Variants in CSNK1D observed in about 807,000 individuals in gnomAD.
CSNK1D encodes casein kinase I isoform delta.
A neutral mutation model predicts 46.6 loss-of-function variants in CSNK1D; 16 were observed. The ratio of observed to expected loss-of-function variants is 0.34; its 90% confidence interval spans 0.23 to 0.52. The LOEUF (loss-of-function observed/expected upper bound fraction) is 0.52, where lower values mean the gene tolerates loss of function less well. CSNK1D is among the 20% of genes least tolerant of loss of function. The pLI, the probability that CSNK1D is intolerant of heterozygous loss-of-function variation, is 0.95. For synonymous variants in CSNK1D, 276 were observed against 228.2 expected (o/e 1.21, Z -1.89); for missense variants, 398 against 578.4 (o/e 0.69, Z 3.20).
chr17:82,239,170 T>TTG, downstream of CSNK1D: 1 of 525,880 alleles, frequency 1.9e-6, no homozygotes, highest in Non-Finnish European at 3.2e-6. Flanking sequence ...AGAGTGGATC[T>TTG]GCGGTGAAGC....
chr17:82,247,943 A>G (rs563406658), intron 8 of CSNK1D: 14 of 985,152 alleles, frequency 1.4e-5, no homozygotes, highest in African/African-American at 1.7e-5. Flanking sequence ...AGTGCTCCCC[A>G]CTCCGGCATG....
chr17:82,260,239 G>T (rs2051294645), intron 2 of CSNK1D, among the ~76,000 whole-genome samples: 1 of 150,722 alleles, frequency 6.6e-6, no homozygotes, highest in Non-Finnish European at 1.5e-5. Flanking sequence ...ACTGAGTGAT[G>T]TGACTGATGG....
chr17:82,244,309 A>G lies in CSNK1D; in HGVS notation c.*472T>C. 9.1e-7 allele frequency: 1 copy of G among 1,102,562 alleles called. No homozygotes were observed. The highest frequency in any genetic ancestry group is 1.6e-5 in the African/African-American group (1 of 61,464). The allele number at this position is 1,102,562 out of a possible 1,614,324, so 68.3% of individuals were successfully genotyped here. A position where few individuals can be genotyped will look rare whatever the true frequency, so the allele number is the denominator to read the frequency against. Reference sequence around the variant, plus strand: ...CAGCCTGTCTCAGAATTCCTTAGTCAACATTTTTTTTGTAAGACTGCAAAA... The same window carrying G: ...CAGCCTGTCTCAGAATTCCTTAGTCGACATTTTTTTTGTAAGACTGCAAAA... On this transcript the variant is annotated 3_prime_UTR_variant, in exon 9 of 9. Transcript: ENST00000314028.
In CSNK1D at chr17:82,243,027, CAAAG is replaced by C; in HGVS notation, c.*1750_*1753del. On this transcript the variant is annotated 3_prime_UTR_variant, in exon 9 of 9. Coordinates refer to ENST00000314028, the MANE Select transcript of CSNK1D (RefSeq NM_001893.6). ...CTACCTTCAAGAAGGGGTCCAGCAA[CAAAG>C]AAAATCTCTTAACTCGGCTCTGACC... is the stretch of plus-strand genomic sequence containing the variant. 1.0e-6 allele frequency: 1 copy of C among 985,446 alleles called. No homozygotes were observed. The highest frequency in any genetic ancestry group is 1.2e-6 in the Non-Finnish European group (1 of 829,946). 61.0% of individuals were successfully genotyped at this position (985,446 alleles called of 1,614,324 possible).
chr17:82,245,119 T>TGCCTCCC (rs1011792381), intron 8 of CSNK1D: 6 of 578,628 alleles, frequency 1.0e-5, no homozygotes, highest in Non-Finnish European at 1.9e-5. Flanking sequence ...CGGGTGCTCC[T>TGCCTCCC]GCCTCCCTTC....
chr17:82,240,061 C>A (rs1471871406), downstream of CSNK1D: 2 of 1,233,678 alleles, frequency 1.6e-6, no homozygotes, highest in Non-Finnish European at 2.0e-6. Context: ...GTCCCTGCTC[C>A]TCTGCAATGA....
In CSNK1D at chr17:82,255,677, G is replaced by T; in HGVS notation, c.188-100C>A. 1 of 1,452,968 alleles carries T rather than the reference G, an allele frequency of 6.9e-7. No individual in the cohort carries two copies. Among genetic ancestry groups the T allele is most frequent in the Non-Finnish European group, 9.6e-7 (1 of 1,038,868 alleles). The allele number at this position is 1,452,968 out of a possible 1,614,324, so 90.0% of individuals were successfully genotyped here. ...ACCAAGGGGTCATGGTGACAATCCT[G>T]AACGGGGGAGGGGTGGTGGAGGTAG... On this transcript the variant is annotated intron_variant, in intron 2 of 8. Coordinates refer to ENST00000314028, the MANE Select transcript of CSNK1D (RefSeq NM_001893.6). This position sits in a 1 kb window ranked among gnomAD's most constrained non-coding sequence, Gnocchi z 5.9.
chr17:82,261,817 G>A (rs1271477404), intron 2 of CSNK1D, among the ~76,000 whole-genome samples: 1 of 152,194 alleles, frequency 6.6e-6, no homozygotes, highest in Non-Finnish European at 1.5e-5. Context: ...ACAAGAAAAA[G>A]ATGATGGAAG....
rs1018244740 is a variant in CSNK1D, at chr17:82,255,162, G to A, written c.336+267C>T. The A allele has an allele frequency of 7.4e-5, 36 of 484,634 alleles. No homozygotes were observed. The highest frequency in any genetic ancestry group is 3.9e-4 in the African/African-American group (19 of 49,206). The allele number at this position is 484,634 out of a possible 1,614,324, so 30.0% of individuals were successfully genotyped here. ...CCAGAAGCCAGTGAGCTGGGCCGCC[G>A]GAGCCTCGAGAAGCCAGTGAGCTGG... On this transcript the variant is annotated intron_variant, in intron 3 of 8. Transcript: ENST00000314028. The surrounding 1 kb of genome is among the most constrained non-coding windows in gnomAD (Gnocchi z 5.9).
Position 82,252,980 on chromosome 17 carries a change from C to A in CSNK1D, c.565+36G>T, listed in dbSNP as rs917300671. ...GCTGAGGCATGGACGCGCCCAAAGG[C>A]ACCCCAGGTCAGTGACCCCATGCCC... is the stretch of plus-strand genomic sequence containing the variant. On this transcript the variant is annotated intron_variant, in intron 4 of 8. Coordinates refer to ENST00000314028, the MANE Select transcript of CSNK1D (RefSeq NM_001893.6). This position sits in a 1 kb window ranked among gnomAD's most constrained non-coding sequence, Gnocchi z 4.6. The A allele has an allele frequency of 5.6e-6, 9 of 1,593,556 alleles. No individual in the cohort carries two copies. The highest frequency in any genetic ancestry group is 6.9e-6 in the Non-Finnish European group (8 of 1,161,976).
chr17:82,266,817 T>G (rs1410736404), intron 1 of CSNK1D: 1 of 152,268 alleles, frequency 6.6e-6, no homozygotes, highest in Non-Finnish European at 1.5e-5. Context: ...TCCCAGCACT[T>G]TGGGAGGCCA....
intron 1 of CSNK1D, among the ~76,000 whole-genome samples, chr17:82,267,959 T>G (rs1229028940): frequency 6.6e-6 from 1 of 152,224 alleles, no homozygotes; most frequent in Non-Finnish European, 1.5e-5. Context: ...CAGCACTGAC[T>G]GTCGTGGGGC....
At position 82,248,622 on chromosome 17, in the gene CSNK1D, C is replaced by T; in HGVS notation, c.1197+253G>A. ...AGCAGGAGAAAGCCCCCACGGTTTG[C>T]TGGCCTCAGGGACCTGAGACCTGAG... On this transcript the variant is annotated intron_variant, in intron 8 of 8. Transcript: ENST00000314028. This position sits in a 1 kb window ranked among gnomAD's most constrained non-coding sequence, Gnocchi z 4.1. The T allele has an allele frequency of 7.4e-7, 1 of 1,350,854 alleles. No individual in the cohort carries two copies. Among genetic ancestry groups the T allele is most frequent in the Non-Finnish European group, 9.5e-7 (1 of 1,047,396 alleles). The allele number at this position is 1,350,854 out of a possible 1,614,324, so 83.7% of individuals were successfully genotyped here. A position where few individuals can be genotyped will look rare whatever the true frequency, so the allele number is the denominator to read the frequency against.
chr17:82,257,933 T>C (rs1237160760), intron 2 of CSNK1D, among the ~76,000 whole-genome samples: 1 of 152,176 alleles, frequency 6.6e-6, no homozygotes, highest in Non-Finnish European at 1.5e-5. Context: ...GTTTTTTAAC[T>C]GGCCAGGCTC....
chr17:82,264,331 C>T (rs956079980), intron 2 of CSNK1D, among the ~76,000 whole-genome samples: 3 of 152,190 alleles, frequency 2.0e-5, no homozygotes, highest in Admixed American at 6.5e-5. Context: ...CCTGCCAGAC[C>T]GAAGCTCTGC....
chr17:82,270,120 T>C (rs1224424031), intron 1 of CSNK1D, among the ~76,000 whole-genome samples: 1 of 152,238 alleles, frequency 6.6e-6, no homozygotes, highest in Non-Finnish European at 1.5e-5. Context: ...AATCTCAGAC[T>C]GAAGACAGAT....
At position 82,250,169 on chromosome 17, in the gene CSNK1D, G is replaced by C; in HGVS notation, c.886-567C>G. The C allele has an allele frequency of 7.8e-7, 1 of 1,289,984 alleles. No homozygotes were observed. The allele number at this position is 1,289,984 out of a possible 1,614,324, so 79.9% of individuals were successfully genotyped here. On this transcript the variant is annotated intron_variant, in intron 6 of 8. Coordinates refer to ENST00000314028, the MANE Select transcript of CSNK1D (RefSeq NM_001893.6). The surrounding 1 kb of genome is among the most constrained non-coding windows in gnomAD (Gnocchi z 4.6). ...GGGTGGGGAGGTCAGATTTTAAGCCGAGACAGCAACCTATGAAAAAGCAGA... is the reference window on the plus strand; with the variant it reads ...GGGTGGGGAGGTCAGATTTTAAGCCCAGACAGCAACCTATGAAAAAGCAGA...
intron 8 of CSNK1D, chr17:82,246,598 G>A: frequency 9.8e-7 from 1 of 1,022,854 alleles, no homozygotes; most frequent in East Asian, 8.7e-5. Flanking sequence ...AAAAGAGAGG[G>A]GGCGAAGAGG....
intron 1 of CSNK1D, 55 bp from the exon 2 acceptor site, chr17:82,265,851 C>T (rs911440730): frequency 1.5e-6 from 2 of 1,376,234 alleles, no homozygotes; most frequent in African/African-American, 2.9e-5. Flanking sequence ...CCAAATAACC[C>T]AACATGCTGG....
Sources: allele counts gnomAD v4.1 joint callset (sites outside exome capture counted in the v4.1 genomes callset), GRCh38; gene constraint gnomAD v4.1.1; non-coding constraint Gnocchi (gnomAD v3.1); transcripts MANE v1.5; gene names NCBI Gene and HGNC (gene_info 2026-07-23, HGNC 2026-07-21).